The following SLCO2A1 variants were observed in gnomAD, a reference collection of about 807,000 sequenced individuals.
The protein encoded by SLCO2A1 is matrin F/G 1.
Under a neutral mutation model 71.7 loss-of-function variants are expected in SLCO2A1, and 60 were observed. That is an observed-to-expected ratio of 0.84 (90% CI 0.68 to 1.04). The LOEUF is 1.04. Among genes scored for constraint, SLCO2A1 ranks in the 50% least tolerant of loss-of-function variants. The pLI is 0.00. For missense variants in SLCO2A1, 745 were observed against 813.4 expected, an observed-to-expected ratio of 0.92 and a Z score of 1.02; for synonymous variants, 308 against 326.7, an observed-to-expected ratio of 0.94 and a Z score of 0.62.
At chr3:133,999,703 T>C (rs1349914344) in intron 1 of SLCO2A1, among the ~76,000 whole-genome samples, 1 of 151,172 alleles carries the variant, frequency 6.6e-6, no homozygotes, top group Admixed American at 6.6e-5. Context: ...AGAAAGTGGG[T>C]AGGAAAAAAG....
chr3:133,936,748 A>G (rs1933279217), intron 12 of SLCO2A1, among the ~76,000 whole-genome samples: 1 of 152,146 alleles, frequency 6.6e-6, no homozygotes, highest in Non-Finnish European at 1.5e-5. Flanking sequence ...AGAAAGACAG[A>G]CAATGCTCCA....
rs549628344 is a variant in SLCO2A1, at chr3:133,970,311, G to T, written c.397+3352C>A. ...ATGAACTGAAACTCAGAGCAGGGAG[G>T]AGGTGGCTCGAGCCCACTTGGGAGT... On this transcript the variant is annotated intron_variant, in intron 3 of 13. Coordinates refer to ENST00000310926, the MANE Select transcript of SLCO2A1 (RefSeq NM_005630.3). 1.4e-3 allele frequency among the ~76,000 whole-genome samples: 209 copies of T among 152,164 alleles called. 1 individual carries two copies. The highest frequency in any genetic ancestry group is 2.2e-3 in the Non-Finnish European group (151 of 67,980).
intron 1 of SLCO2A1, among the ~76,000 whole-genome samples, chr3:134,027,426 A>G (rs1301472020): frequency 6.6e-6 from 1 of 152,216 alleles, no homozygotes; most frequent in Non-Finnish European, 1.5e-5. Context: ...TTACTGGTGC[A>G]TGCAGCCCCC....
At chr3:134,024,264 G>A (rs1215507702) in intron 1 of SLCO2A1, among the ~76,000 whole-genome samples, 1 of 152,208 alleles carries the variant, frequency 6.6e-6, no homozygotes, top group Non-Finnish European at 1.5e-5. Context: ...AGCGAGAGAA[G>A]CCCCTTATAG....
At position 133,953,676 on chromosome 3, in the gene SLCO2A1, G is replaced by A; in HGVS notation, c.711C>T (p.Gly237=). The change falls in exon 5 of 14, where the codon GGC becomes GGT. Residue 237 remains glycine (G), a synonymous_variant. Coordinates refer to ENST00000310926, the MANE Select transcript of SLCO2A1 (RefSeq NM_005630.3). ...GCACATACTCACCTGTGTTGACCCT[G>A]CCATAGTCCACAAAGATCTGCAGCA... ...SVMLQIFVDY[G]RVNTAAVNLV... 1.2e-6 allele frequency: 2 copies of A among 1,614,040 alleles called. No individual in the cohort carries two copies. The highest frequency in any genetic ancestry group is 1.7e-6 in the Non-Finnish European group (2 of 1,179,928).
chr3:133,960,460 A>G (rs148307467), intron 3 of SLCO2A1, among the ~76,000 whole-genome samples: 49 of 152,356 alleles, frequency 3.2e-4, no homozygotes, highest in African/African-American at 1.2e-3. Flanking sequence ...ACGGAAAGAC[A>G]AATGCTGTGT....
intron 5 of SLCO2A1, among the ~76,000 whole-genome samples, chr3:133,952,626 G>T (rs1933773207): frequency 6.6e-6 from 1 of 152,222 alleles, no homozygotes; most frequent in Non-Finnish European, 1.5e-5. Flanking sequence ...CTGGCTCCCT[G>T]AATGGTTAAC....
chr3:133,935,713 A>T, intron 13 of SLCO2A1, 61 bp downstream of exon 13: 1 of 1,479,940 alleles, frequency 6.8e-7, no homozygotes, highest in Non-Finnish European at 9.1e-7. Context: ...TGGGCATATG[A>T]CTACTGTCAT....
chr3:134,003,767 C>T (rs905765503), intron 1 of SLCO2A1, among the ~76,000 whole-genome samples: 5 of 152,144 alleles, frequency 3.3e-5, no homozygotes, highest in African/African-American at 1.2e-4. Flanking sequence ...TATTCAAATA[C>T]CAATCTGGGT....
chr3:133,942,484 A>T, intron 11 of SLCO2A1, 121 bp downstream of exon 11: 1 of 1,034,936 alleles, frequency 9.7e-7, no homozygotes, highest in Non-Finnish European at 1.4e-6. Flanking sequence ...ATTGTCATTT[A>T]AAGGACTCTG....
At chr3:134,001,876 T>C (rs1233701062) in intron 1 of SLCO2A1, among the ~76,000 whole-genome samples, 1 of 152,044 alleles carries the variant, frequency 6.6e-6, no homozygotes, top group Non-Finnish European at 1.5e-5. Flanking sequence ...CTTCCTCTCT[T>C]CCACCCCACC....
At chr3:133,947,231 T>A (rs763269359) in intron 9 of SLCO2A1, 25 bp downstream of exon 9, 24 of 1,593,112 alleles carry the variant, frequency 1.5e-5, no homozygotes, top group Non-Finnish European at 3.4e-6. Context: ...TTAAAGGGGA[T>A]CTCTCTACCC....
rs78933752 is a variant in SLCO2A1, at chr3:134,018,728, C to T, written c.96+10979G>A. Among the ~76,000 whole-genome samples the T allele has an allele frequency of 7.4e-3, 1,123 of 152,138 alleles. 14 individuals are homozygous for T. The highest frequency in any genetic ancestry group is 0.02 in the African/African-American group (848 of 41,484). On this transcript the variant is annotated intron_variant, in intron 1 of 13. Coordinates refer to ENST00000310926, the MANE Select transcript of SLCO2A1 (RefSeq NM_005630.3). ...AAGGAGAAACAGAACTTCCTGAAGC[C>T]GCCAGGATAAGTCAGCTGCAAAAGC...
At chr3:133,949,187 C>T in intron 6 of SLCO2A1, 1 of 581,338 alleles carries the variant, frequency 1.7e-6, no homozygotes, top group Non-Finnish European at 3.1e-6. Context: ...AATCAGAACA[C>T]ATCTATGCCA....
intron 3 of SLCO2A1, among the ~76,000 whole-genome samples, chr3:133,961,860 A>G (rs1230062491): frequency 1.3e-5 from 2 of 152,120 alleles, no homozygotes; most frequent in Non-Finnish European, 2.9e-5. Flanking sequence ...TGACACATAT[A>G]AAAAAGGGAA....
At chr3:133,994,054 G>A (rs1036800982) in intron 1 of SLCO2A1, among the ~76,000 whole-genome samples, 5 of 152,062 alleles carry the variant, frequency 3.3e-5, no homozygotes, top group Non-Finnish European at 7.4e-5. Context: ...AAGAAGGCTG[G>A]GTGGTGGCTG....
intron 6 of SLCO2A1, chr3:133,950,853 A>G: frequency 3.0e-6 from 1 of 332,722 alleles, no homozygotes; most frequent in South Asian, 2.7e-5. Context: ...GAACACTGAT[A>G]GGCCCTATTA....
intron 2 of SLCO2A1, among the ~76,000 whole-genome samples, chr3:133,977,433 G>A (rs1223346726): frequency 6.6e-6 from 1 of 152,168 alleles, no homozygotes; most frequent in Non-Finnish European, 1.5e-5. Flanking sequence ...AGCCCATTGA[G>A]GAATCCAGTT....
chr3:133,951,314 C>T lies in SLCO2A1; in HGVS notation c.755G>A (p.Arg252Gln), dbSNP rs747030503. 17 of 1,613,986 alleles carry T rather than the reference C, an allele frequency of 1.1e-5. No individual in the cohort carries two copies. The highest frequency in any genetic ancestry group is 4.5e-5 in the East Asian group (2 of 44,898). The part of the protein sequence containing the change: ...AAVNLVPGDP[R>Q]WIGAWWLGLL... ...GCCTAGCCACCAGGCTCCAATCCAT[C>T]GGGGGTCACCCGGGACCAAGTTAAC... The change falls in exon 6 of 14, where the codon CGA becomes CAA. Residue 252 changes from arginine (R) to glutamine (Q), a missense_variant. Transcript: ENST00000310926.
Sources: allele counts gnomAD v4.1 joint callset (sites outside exome capture counted in the v4.1 genomes callset), GRCh38; gene constraint gnomAD v4.1.1; transcripts MANE v1.5; gene names NCBI Gene and HGNC (gene_info 2026-07-23, HGNC 2026-07-21).